ADCY7: variants seen among roughly 807,000 people sequenced by gnomAD.
ADCY7 encodes adenylate cyclase type 7.
Under a neutral mutation model 120.6 loss-of-function variants are expected in ADCY7, and 72 were observed. That is an observed-to-expected ratio of 0.60 (90% CI 0.49 to 0.73). ADCY7 has a LOEUF of 0.73. Ranked by LOEUF, ADCY7 falls within the 30% of genes least tolerant of loss-of-function variation. The pLI, the probability that ADCY7 is intolerant of heterozygous loss-of-function variation, is 0.00. For synonymous variants in ADCY7, 661 were observed against 628.0 expected (o/e 1.05, Z -0.78); for missense variants, 1,227 against 1,486.0 (o/e 0.83, Z 2.87).
chr16:50,276,829 A>T (rs1298321348), intron 1 of ADCY7, among the ~76,000 whole-genome samples: 1 of 152,100 alleles, frequency 6.6e-6, no homozygotes, highest in Non-Finnish European at 1.5e-5. Context: ...TTTGGTCTTA[A>T]GCAGTCCTCC....
intron 16 of ADCY7, 21 bp from the exon 17 acceptor site, chr16:50,308,646 C>T: frequency 6.2e-7 from 1 of 1,601,836 alleles, no homozygotes; most frequent in Non-Finnish European, 8.5e-7. Context: ...CTCTGGGTGA[C>T]TTGACCCTGT....
rs550623071 is a variant in ADCY7, at chr16:50,314,703, C to T, written c.2971+297C>T. The T allele has an allele frequency of 3.1e-5, 14 of 448,000 alleles. No individual in the cohort carries two copies. In the South Asian group the frequency reaches 5.4e-4, roughly 17 times the overall value. 27.8% of individuals were successfully genotyped at this position (448,000 alleles called of 1,614,324 possible). A position where few individuals can be genotyped will look rare whatever the true frequency, so the allele number is the denominator to read the frequency against. On this transcript the variant is annotated intron_variant, in intron 24 of 25. Transcript: ENST00000673801. ...CAAAGTTACTAAACCTAAATAGTTG[C>T]GGGCCTGCGCTCAAAGCCAGGCCTT...
chr16:50,279,296 G>A (rs780995481), intron 1 of ADCY7, among the ~76,000 whole-genome samples: 20 of 152,186 alleles, frequency 1.3e-4, no homozygotes, highest in Non-Finnish European at 2.8e-4. Flanking sequence ...TGGGCAGGAC[G>A]AGAACCACGT....
rs1028742584 is a variant in ADCY7 at position 50,288,290 on chromosome 16, G to A, written c.111G>A (p.Thr37=). 12 of 1,550,764 alleles carry A rather than the reference G, an allele frequency of 7.7e-6. No homozygotes were observed. The highest frequency in any genetic ancestry group is 2.4e-5 in the South Asian group (2 of 84,032). The change falls in exon 2 of 26, where the codon ACG becomes ACA. Residue 37 remains threonine, a synonymous_variant. Transcript: ENST00000673801. ...LTSQHGPLLL[T]LLLVAATACV... ...GCCAGCATGGGCCGCTGCTGCTCAC[G>A]CTCCTGCTGGTGGCCGCCACTGCCT...
chr16:50,292,932 A>G (rs2035087400), intron 5 of ADCY7, 107 bp downstream of exon 5: 2 of 1,425,014 alleles, frequency 1.4e-6, no homozygotes, highest in Non-Finnish European at 9.5e-7. Context: ...ATGGCCAGAC[A>G]CCCATGCAGG....
At chr16:50,274,505 G>A (rs1026492095) in intron 1 of ADCY7, among the ~76,000 whole-genome samples, 7 of 152,108 alleles carry the variant, frequency 4.6e-5, no homozygotes, top group Non-Finnish European at 7.4e-5. Context: ...GGCTCTTGGC[G>A]CGGTTTCACG....
At chr16:50,309,004 G>C in intron 17 of ADCY7, 1 of 510,140 alleles carries the variant, frequency 2.0e-6, no homozygotes, top group Non-Finnish European at 3.3e-6. Context: ...TGTGTGGCCA[G>C]CTCCAGGAGG....
intron 1 of ADCY7, among the ~76,000 whole-genome samples, chr16:50,280,036 A>G (rs1419158578): frequency 2.0e-5 from 3 of 152,054 alleles, no homozygotes; most frequent in Non-Finnish European, 2.9e-5. Flanking sequence ...TCTTCTTCGT[A>G]TATCTGGTAG....
At position 50,258,159 on chromosome 16, in the gene ADCY7, T is replaced by C. The variant is rs563688808; in HGVS notation, c.-64+11956T>C. Among the ~76,000 whole-genome samples, 7 of 152,194 alleles carry C rather than the reference T, an allele frequency of 4.6e-5. No individual in the cohort carries two copies. In the East Asian group the frequency reaches 1.4e-3, roughly 29 times the overall value. On this transcript the variant is annotated intron_variant, in intron 1 of 4. Coordinates refer to the ADCY7 transcript ENST00000564044. ...GCTGAGGCAGGAGGATTACTTGAGGTTGGGAGCTGGAGGCTGCAGTGAGCT... is the reference window on the plus strand; with the variant it reads ...GCTGAGGCAGGAGGATTACTTGAGGCTGGGAGCTGGAGGCTGCAGTGAGCT...
At chr16:50,250,720 G>A (rs1053473707) in intron 1 of ADCY7, among the ~76,000 whole-genome samples, 1 of 152,190 alleles carries the variant, frequency 6.6e-6, no homozygotes, top group African/African-American at 2.4e-5. Context: ...GGTATGGGCT[G>A]TAGATTAAAG....
At chr16:50,264,451 C>T (rs1051896621), upstream of ADCY7, among the ~76,000 whole-genome samples, 6 of 152,334 alleles carry the variant, frequency 3.9e-5, no homozygotes, top group Middle Eastern at 0.01. Context: ...CATTTGTGGA[C>T]ACATGTACTC....
At chr16:50,253,757 C>T (rs1184156457) in intron 1 of ADCY7, among the ~76,000 whole-genome samples, 1 of 152,188 alleles carries the variant, frequency 6.6e-6, no homozygotes, top group Admixed American at 6.5e-5. Context: ...CAGGCTGGCA[C>T]TGGAAGCCTT....
At chr16:50,283,905 C>G (rs1078151) in intron 1 of ADCY7, among the ~76,000 whole-genome samples, 6 of 151,862 alleles carry the variant, frequency 4.0e-5, no homozygotes, top group African/African-American at 1.2e-4. Flanking sequence ...GGTGGTGAGC[C>G]CCCCCGTCAT....
chr16:50,298,821 C>T, intron 7 of ADCY7, 83 bp from the exon 8 acceptor site: 1 of 1,542,098 alleles, frequency 6.5e-7, no homozygotes, highest in Non-Finnish European at 8.8e-7. Flanking sequence ...CCGGGTGCAC[C>T]CTGGAGGGTG....
intron 8 of ADCY7, 62 bp downstream of exon 8, chr16:50,299,093 TAGGGG>T (rs2035546257): frequency 6.6e-7 from 1 of 1,516,032 alleles, no homozygotes; most frequent in Non-Finnish European, 8.8e-7. Flanking sequence ...CTGGGCATGG[TAGGGG>T]ATGTGTCATT....
intron 24 of ADCY7, 163 bp downstream of exon 24, chr16:50,314,569 T>C: frequency 3.3e-6 from 2 of 598,060 alleles, no homozygotes; most frequent in African/African-American, 1.8e-5. Flanking sequence ...GTTTTGCATA[T>C]AGTTAGCATA....
At position 50,311,700 on chromosome 16, in the gene ADCY7, CCTAG is replaced by C; in HGVS notation, c.2365_2368del (p.Ser789ValfsTer6). 6.2e-7 allele frequency: 1 copy of C among 1,613,454 alleles called. No individual in the cohort carries two copies. Among genetic ancestry groups the C allele is most frequent in the Non-Finnish European group, 8.5e-7 (1 of 1,179,430 alleles). On this transcript the variant is annotated frameshift_variant, in exon 20 of 26. Coordinates refer to ENST00000673801, the MANE Select transcript of ADCY7 (RefSeq NM_001114.5). LOFTEE classifies it high-confidence loss of function. ...GCCTCCCTTCGCATTCAGTGGCACC[CCTAG>C]CTGTTCCTGGAAGGACCTGAAGACC...
At chr16:50,281,988 T>C (rs2034298845) in intron 1 of ADCY7, among the ~76,000 whole-genome samples, 1 of 152,194 alleles carries the variant, frequency 6.6e-6, no homozygotes, top group African/African-American at 2.4e-5. Context: ...AGGTTTTTTG[T>C]CTGGAGCTGC....
At position 50,277,705 on chromosome 16, in the gene ADCY7, C is replaced by T. The variant is rs184218842; in HGVS notation, c.-268-10207C>T. On this transcript the variant is annotated intron_variant, in intron 1 of 25. Transcript: ENST00000673801. ...TTTTTTTTTGAGGCGGAGTCTTGCTCTGTCACCCAGGCTGGAGTGCAGTGG... is the reference window on the plus strand; with the variant it reads ...TTTTTTTTTGAGGCGGAGTCTTGCTTTGTCACCCAGGCTGGAGTGCAGTGG... Among the ~76,000 whole-genome samples, 201 of 137,750 alleles carry T rather than the reference C, an allele frequency of 1.5e-3. No individual in the cohort carries two copies. The East Asian group carries it at 0.016, about 11-fold the overall frequency. 90.4% of individuals were successfully genotyped at this position (137,750 alleles called of 152,430 possible). A position where few individuals can be genotyped will look rare whatever the true frequency, so the allele number is the denominator to read the frequency against.
Sources: gnomAD v4.1 joint callset for allele counts (sites outside exome capture counted in the v4.1 genomes callset) on GRCh38, gnomAD v4.1.1 for gene constraint, MANE v1.5 for transcripts, NCBI Gene and HGNC (gene_info 2026-07-23, HGNC 2026-07-21) for gene names.